RXYLT1: variants seen among roughly 807,000 people sequenced by gnomAD.
The protein encoded by RXYLT1 is ribitol xylosyltransferase 1, also known as ribitol-5-phosphate xylosyltransferase 1.
RXYLT1 carries 41 observed loss-of-function variants against 43.5 expected under a neutral mutation model. The observed-to-expected ratio is 0.94, with a 90% confidence interval of 0.73 to 1.22. RXYLT1 has a LOEUF of 1.22. Ranked by LOEUF, RXYLT1 falls within the 50% of genes most tolerant of loss-of-function variation. The pLI is 0.00. For synonymous variants in RXYLT1, 166 were observed against 194.4 expected (o/e 0.85, Z 1.21); for missense variants, 514 against 532.0 (o/e 0.97, Z 0.33).
At position 63,780,047 on chromosome 12, in the gene RXYLT1, C is replaced by T. The variant is rs747432034; in HGVS notation, c.87C>T (p.Phe29=). ...TCTACGCTGCCTACCACGTCTTCTT[C>T]GGGCGCCGCCGCCAGGCGCCGGCCG... ...FSLYAAYHVF[F]GRRRQAPAGS... The change falls in exon 1 of 6, where the codon TTC becomes TTT. Residue 29 remains phenylalanine, a synonymous_variant. Transcript: ENST00000261234. 3 of 1,597,238 alleles carry T rather than the reference C, an allele frequency of 1.9e-6. No individual in the cohort carries two copies. The highest frequency in any genetic ancestry group is 1.7e-4 in the Middle Eastern group (1 of 5,998).
intron 3 of RXYLT1, 50 bp from the exon 4 acceptor site, chr12:63,802,040 CT>C (rs778315002): frequency 1.4e-6 from 2 of 1,480,730 alleles, no homozygotes; most frequent in African/African-American, 1.4e-5. Flanking sequence ...TACCACATAC[CT>C]TTGTTCAGGC....
At chr12:63,788,167 A>T (rs1897847698) in intron 3 of RXYLT1, among the ~76,000 whole-genome samples, 1 of 152,194 alleles carries the variant, frequency 6.6e-6, no homozygotes, top group Admixed American at 6.5e-5. Context: ...CTGTGAACAG[A>T]TGTTGCTGTC....
Position 63,802,252 on chromosome 12 carries a change from C to T in RXYLT1, c.590C>T (p.Ala197Val). The change falls in exon 4 of 6, where the codon GCT (alanine) becomes GTT (valine). Residue 197 changes from alanine to valine, a missense_variant. Ala to Val is a moderately conservative substitution (Grantham distance 64). Coordinates refer to ENST00000261234, the MANE Select transcript of RXYLT1 (RefSeq NM_014254.3). ...CAAATTCAAAAACTCCAGCATCTTG[C>T]TGTTGTTTTGCTCGGAAATGAACAT... is the stretch of plus-strand genomic sequence containing the variant. The part of the protein sequence containing the change: ...LVQIQKLQHL[A>V]VVLLGNEHCD... 6.2e-7 allele frequency: 1 copy of T among 1,614,082 alleles called. No individual in the cohort carries two copies. The highest frequency in any genetic ancestry group is 1.7e-5 in the Admixed American group (1 of 60,006).
chr12:63,808,778 C>A lies in RXYLT1; in HGVS notation c.1018C>A (p.Arg340=), dbSNP rs397514695. The part of the protein sequence containing the change: ...CPVGVNTECY[R]IYEACSYGSI... ...GGTCGGAGTAAACACAGAATGCTAT[C>A]GAATCTATGAGGCTTGCTCCTATGG... The change falls in exon 6 of 6, where the codon CGA becomes AGA. Residue 340 remains arginine, a synonymous_variant. Transcript: ENST00000261234. 7.4e-6 allele frequency: 12 copies of A among 1,613,132 alleles called. No individual in the cohort carries two copies. Among genetic ancestry groups the A allele is most frequent in the Non-Finnish European group, 1.0e-5 (12 of 1,179,898 alleles).
In RXYLT1 at chr12:63,808,929, A is replaced by G. The variant is rs1375397508; in HGVS notation, c.1169A>G (p.Lys390Arg). 6.2e-7 allele frequency: 1 copy of G among 1,613,954 alleles called. No homozygotes were observed. Among genetic ancestry groups the G allele is most frequent in the East Asian group, 2.2e-5 (1 of 44,902 alleles). ...CCCTTTATCTTTATCAAGAACTGGA[A>G]GGAACTCCCTGCTGTTTTAGAAAAA... ...GAPFIFIKNW[K>R]ELPAVLEKEK... The change falls in exon 6 of 6, where the codon AAG (lysine) becomes AGG (arginine). Residue 390 changes from lysine to arginine, a missense_variant. Physicochemically the swap from Lys to Arg is conservative, Grantham distance 26 (BLOSUM62 2). Coordinates refer to ENST00000261234, the MANE Select transcript of RXYLT1 (RefSeq NM_014254.3).
chr12:63,781,033 G>T lies in RXYLT1; in HGVS notation c.184G>T (p.Glu62Ter). ...TTTTAAAACAGAACAGTCCACTTTGGAAAGTGAAGAATGGAATCCTTGGGA... is the reference window on the plus strand; with the variant it reads ...TTTTAAAACAGAACAGTCCACTTTGTAAAGTGAAGAATGGAATCCTTGGGA... The part of the protein sequence containing the change: ...ERRGREQSTL[E>*]SEEWNPWEGD... Residue 62 changes from glutamate to a stop codon, truncating the protein, a stop_gained, in exon 2 of 6, where the codon GAA (glutamate) becomes TAA (stop). Coordinates refer to ENST00000261234, the MANE Select transcript of RXYLT1 (RefSeq NM_014254.3). LOFTEE classifies it high-confidence loss of function. 6.3e-7 allele frequency: 1 copy of T among 1,598,180 alleles called. No individual in the cohort carries two copies. Among genetic ancestry groups the T allele is most frequent in the South Asian group, 1.1e-5 (1 of 87,834 alleles).
intron 1 of RXYLT1, 185 bp downstream of exon 1, chr12:63,780,314 T>C: frequency 1.5e-6 from 2 of 1,314,346 alleles, no homozygotes; most frequent in Middle Eastern, 2.8e-4. Context: ...GTCCTCATTC[T>C]TACCCAGATC....
intron 3 of RXYLT1, among the ~76,000 whole-genome samples, chr12:63,789,513 G>C (rs903157439): frequency 1.3e-5 from 2 of 152,110 alleles, no homozygotes; most frequent in Admixed American, 1.3e-4. Flanking sequence ...ATCTCATAGT[G>C]AGCACATGCT....
At chr12:63,793,577 A>G (rs770674599) in intron 3 of RXYLT1, among the ~76,000 whole-genome samples, 16 of 152,200 alleles carry the variant, frequency 1.1e-4, no homozygotes, top group Non-Finnish European at 2.1e-4. Flanking sequence ...TAATATTTCT[A>G]CAATAGAAAT....
chr12:63,793,556 A>C (rs1046594610), intron 3 of RXYLT1, among the ~76,000 whole-genome samples: 11 of 152,218 alleles, frequency 7.2e-5, no homozygotes, highest in African/African-American at 2.2e-4. Context: ...TTTCTCCCCT[A>C]AATTAATATA....
At chr12:63,805,174 T>C (rs1898257957) in intron 4 of RXYLT1, 60 bp from the exon 5 acceptor site, 1 of 1,370,794 alleles carries the variant, frequency 7.3e-7, no homozygotes, top group South Asian at 1.5e-5. Context: ...GAGATTGGGT[T>C]ATGGGGAATT....
chr12:63,782,227 C>T (rs922283220), intron 2 of RXYLT1, among the ~76,000 whole-genome samples: 1 of 151,830 alleles, frequency 6.6e-6, no homozygotes, highest in African/African-American at 2.4e-5. Context: ...TATAAAATAC[C>T]GTTATAGAAA....
At chr12:63,795,132 A>C (rs895247659) in intron 3 of RXYLT1, among the ~76,000 whole-genome samples, 23 of 152,104 alleles carry the variant, frequency 1.5e-4, no homozygotes, top group Admixed American at 1.5e-3. Context: ...CTGTATCTCT[A>C]CAAAAAACAC....
rs571489273 is a variant in RXYLT1 at position 63,780,998 on chromosome 12, CACTT to C, written c.170-17_170-14del. On this transcript the variant is annotated splice_polypyrimidine_tract_variant and intron_variant, in intron 1 of 5. Coordinates refer to ENST00000261234, the MANE Select transcript of RXYLT1 (RefSeq NM_014254.3). ...ACTGCAATAATACCTTACTGGTAAA[CACTT>C]ACTCTTTTTAAAACAGAACAGTCCA... 6.4e-5 allele frequency: 99 copies of C among 1,545,034 alleles called. No homozygotes were observed. In the African/African-American group the frequency reaches 9.5e-4, roughly 15 times the overall value.
At chr12:63,788,400 T>C (rs758016031) in intron 3 of RXYLT1, among the ~76,000 whole-genome samples, 94 of 152,256 alleles carry the variant, frequency 6.2e-4, no homozygotes, top group African/African-American at 8.7e-4. Flanking sequence ...TCTGCTGATA[T>C]AAAGCTGTTT....
Position 63,781,041 on chromosome 12 carries a change from A to C in RXYLT1, c.192A>C (p.Glu64Asp). ...RGREQSTLESEEWNPWEGDEK... is the reference protein window; with the variant it reads ...RGREQSTLESDEWNPWEGDEK... ...CAGAACAGTCCACTTTGGAAAGTGA[A>C]GAATGGAATCCTTGGGAAGGAGATG... Residue 64 changes from glutamate (E) to aspartate (D), a missense_variant, in exon 2 of 6, where the codon GAA becomes GAC. Glu to Asp is a conservative substitution (Grantham distance 45). Transcript: ENST00000261234. 1 of 1,604,018 alleles carries C rather than the reference A, an allele frequency of 6.2e-7. No homozygotes were observed.
intron 3 of RXYLT1, among the ~76,000 whole-genome samples, chr12:63,800,054 C>A (rs952621592): frequency 1.3e-5 from 2 of 152,144 alleles, no homozygotes; most frequent in Non-Finnish European, 2.9e-5. Context: ...AGAATAATGT[C>A]ATATAAATCA....
chr12:63,806,790 C>G (rs557508207), intron 5 of RXYLT1: 1 of 152,518 alleles, frequency 6.6e-6, no homozygotes, highest in South Asian at 2.1e-4. Context: ...CCCTTACTCT[C>G]TGAAATCATG....
intron 5 of RXYLT1, 197 bp from the exon 6 acceptor site, chr12:63,808,477 AC>A: frequency 1.7e-6 from 1 of 584,014 alleles, no homozygotes; most frequent in Non-Finnish European, 2.9e-6. Flanking sequence ...TTATAAATGT[AC>A]AACTGTAAAA....
Sources: allele counts gnomAD v4.1 joint callset (sites outside exome capture counted in the v4.1 genomes callset), GRCh38; gene constraint gnomAD v4.1.1; transcripts MANE v1.5; gene names NCBI Gene and HGNC (gene_info 2026-07-23, HGNC 2026-07-21).